The following RFT1 variants were observed in gnomAD, a reference collection of about 807,000 sequenced individuals.
RFT1 encodes the protein man(5)GlcNAc(2)-PP-dolichol translocation protein RFT1.
Under a neutral mutation model 62.2 loss-of-function variants are expected in RFT1, and 43 were observed. The ratio of observed to expected loss-of-function variants is 0.69; its 90% CI spans 0.54 to 0.89. The LOEUF is 0.89. RFT1 is among the 40% of genes least tolerant of loss of function. The pLI, the probability that RFT1 is intolerant of heterozygous loss-of-function variation, is 0.00. For synonymous variants in RFT1, 262 were observed against 264.6 expected (o/e 0.99, Z 0.10); for missense variants, 605 against 649.9 (o/e 0.93, Z 0.75).
intron 6 of RFT1, 136 bp downstream of exon 6, chr3:53,119,748 T>C (rs1559595859): frequency 1.2e-6 from 1 of 862,450 alleles, no homozygotes; most frequent in Admixed American, 2.4e-5. Flanking sequence ...TGGCCTGGCA[T>C]AGAGCAAGCA....
intron 12 of RFT1, 105 bp downstream of exon 12, chr3:53,092,264 G>T (rs1029350766): frequency 4.4e-5 from 66 of 1,497,116 alleles, no homozygotes; most frequent in Non-Finnish European, 5.9e-5. Context: ...CTAGAGGCCT[G>T]GGGAGGGGAC....
downstream of RFT1, among the ~76,000 whole-genome samples, chr3:53,086,797 G>A (rs569294654): frequency 8.2e-4 from 125 of 152,262 alleles, no homozygotes; most frequent in African/African-American, 2.7e-3. Context: ...AGAACCTTGT[G>A]CAAGCAGCTT....
chr3:53,121,386 A>G (rs1338790095), intron 5 of RFT1, among the ~76,000 whole-genome samples: 1 of 152,044 alleles, frequency 6.6e-6, no homozygotes, highest in Non-Finnish European at 1.5e-5. Context: ...TCTCCTTTAC[A>G]AGACTATCAG....
intron 3 of RFT1, 139 bp from the exon 4 acceptor site, chr3:53,122,702 G>T: frequency 2.4e-6 from 1 of 421,118 alleles, no homozygotes. Flanking sequence ...TACATGCCAG[G>T]CACTATGATT....
At chr3:53,070,393 G>GTTTTTTTTTTTTTTTTTT in the RFT1 span, among the ~76,000 whole-genome samples, 1 of 85,448 alleles carries the variant, frequency 1.2e-5, no homozygotes. Flanking sequence ...CTGTATTATG[G>GTTTTTTTTTTTTTTTTTT]TTTTTTTTTT....
chr3:53,073,526 G>T, the RFT1 span, among the ~76,000 whole-genome samples: 1 of 152,224 alleles, frequency 6.6e-6, no homozygotes, highest in African/African-American at 2.4e-5. Flanking sequence ...TGGAGCCACG[G>T]GCTGAGGCTG....
chr3:53,092,071 C>G lies in RFT1; in HGVS notation c.1459-1G>C. On this transcript the variant is annotated splice_acceptor_variant, in intron 12 of 12. Transcript: ENST00000296292. LOFTEE classifies it high-confidence loss of function. Reference sequence around the variant, plus strand: ...AGCCCTGCTCACAGCAGAGGAATACCTGGGGAAAGAAACCATTGTCAGTGC... The same window carrying G: ...AGCCCTGCTCACAGCAGAGGAATACGTGGGGAAAGAAACCATTGTCAGTGC... 1 of 1,614,232 alleles carries G rather than the reference C, an allele frequency of 6.2e-7. No homozygotes were observed. The highest frequency in any genetic ancestry group is 8.5e-7 in the Non-Finnish European group (1 of 1,180,030).
intron 11 of RFT1, among the ~76,000 whole-genome samples, chr3:53,097,712 C>G (rs1701182993): frequency 6.6e-6 from 1 of 152,238 alleles, no homozygotes; most frequent in African/African-American, 2.4e-5. Flanking sequence ...GAGATACACT[C>G]CTAGTCCTGC....
downstream of RFT1, among the ~76,000 whole-genome samples, chr3:53,086,688 C>A (rs138084953): frequency 6.6e-6 from 1 of 152,178 alleles, no homozygotes; most frequent in Non-Finnish European, 1.5e-5. Flanking sequence ...GATACTTGAG[C>A]CTTAGCTCAT....
intron 6 of RFT1, among the ~76,000 whole-genome samples, chr3:53,117,555 C>T (rs1701844438): frequency 6.6e-6 from 1 of 152,208 alleles, no homozygotes; most frequent in Non-Finnish European, 1.5e-5. Context: ...TACACACAGC[C>T]TTCTCATGAT....
chr3:53,103,169 T>C, intron 10 of RFT1: 2 of 985,438 alleles, frequency 2.0e-6, no homozygotes, highest in South Asian at 4.7e-5. Flanking sequence ...TAGTGGAGAC[T>C]AAAACATGCT....
At chr3:53,101,175 C>T (rs1294551599) in intron 10 of RFT1, among the ~76,000 whole-genome samples, 4 of 152,158 alleles carry the variant, frequency 2.6e-5, no homozygotes, top group Non-Finnish European at 5.9e-5. Context: ...AACCGTTTTC[C>T]ACGGCCCTGT....
intron 11 of RFT1, among the ~76,000 whole-genome samples, chr3:53,098,682 G>C (rs1014239445): frequency 6.6e-6 from 1 of 151,126 alleles, no homozygotes; most frequent in African/African-American, 2.4e-5. Flanking sequence ...CGCGCCTGTA[G>C]TCCCAGCTAC....
In RFT1 at chr3:53,123,367, A is replaced by T. The variant is rs1575503136; in HGVS notation, c.266+357T>A. On this transcript the variant is annotated intron_variant, in intron 3 of 12. Coordinates refer to ENST00000296292, the MANE Select transcript of RFT1 (RefSeq NM_052859.4). ...AGTGGCTGTTAAAAGCTCAAAAGAT[A>T]TTATAGAGCAAAAAGATTAGGAATA... is the stretch of plus-strand genomic sequence containing the variant. 2.6e-5 allele frequency among the ~76,000 whole-genome samples: 4 copies of T among 152,356 alleles called. No homozygotes were observed. In the South Asian group the frequency reaches 8.3e-4, roughly 32 times the overall value.
At chr3:53,068,029 GC>G in the RFT1 span, among the ~76,000 whole-genome samples, 1 of 152,206 alleles carries the variant, frequency 6.6e-6, no homozygotes. Flanking sequence ...CCTCCAAAGG[GC>G]TTTTCTGAGG....
At chr3:53,081,189 G>A in the RFT1 span, among the ~76,000 whole-genome samples, 18 of 152,224 alleles carry the variant, frequency 1.2e-4, no homozygotes, top group Non-Finnish European at 2.6e-4. Context: ...ACGGTGACCT[G>A]AGTTCATCAA....
chr3:53,105,531 A>C (rs772586485), intron 9 of RFT1, 142 bp downstream of exon 9: 6 of 1,058,838 alleles, frequency 5.7e-6, no homozygotes, highest in Non-Finnish European at 7.2e-6. Context: ...GGGTCCCACT[A>C]TCATGAAGAA....
At chr3:53,104,402 A>G (rs1294400636) in intron 9 of RFT1, among the ~76,000 whole-genome samples, 1 of 151,110 alleles carries the variant, frequency 6.6e-6, no homozygotes, top group Non-Finnish European at 1.5e-5. Context: ...TTTTTTTTTA[A>G]ATAGAAATAG....
At chr3:53,093,701 C>A (rs1052082375) in intron 11 of RFT1, among the ~76,000 whole-genome samples, 2 of 151,266 alleles carry the variant, frequency 1.3e-5, no homozygotes, top group African/African-American at 4.9e-5. Flanking sequence ...GACAACAGAG[C>A]TAGTAGACCC....
Sources: gnomAD v4.1 joint callset for allele counts (sites outside exome capture counted in the v4.1 genomes callset) on GRCh38, gnomAD v4.1.1 for gene constraint, MANE v1.5 for transcripts, NCBI Gene and HGNC (gene_info 2026-07-23, HGNC 2026-07-21) for gene names.